YIPF6: variants seen among roughly 807,000 people sequenced by gnomAD.
YIPF6 encodes protein YIPF6.
In YIPF6, 3 loss-of-function variants were observed where a neutral mutation model predicts 16.8. The ratio of observed to expected loss-of-function variants is 0.18; its 90% CI spans 0.08 to 0.46. The LOEUF (loss-of-function observed/expected upper bound fraction) is 0.46. Among genes scored for constraint, YIPF6 ranks in the 20% least tolerant of loss-of-function variants. YIPF6 has a pLI of 0.98. For missense variants in YIPF6, 145 were observed against 184.9 expected (o/e 0.78, Z 1.25); for synonymous variants, 67 against 61.9 (o/e 1.08, Z -0.38).
At chrX:68,518,095 A>G (rs2079111054) in intron 3 of YIPF6, among the ~76,000 whole-genome samples, 2 of 110,492 alleles carry the variant, frequency 1.8e-5, no homozygotes, top group Admixed American at 9.7e-5. Context: ...AACATGGTGA[A>G]ACCCCGTCTC....
At chrX:68,516,211 A>G (rs2079101969) in intron 3 of YIPF6, among the ~76,000 whole-genome samples, 1 of 112,270 alleles carries the variant, frequency 8.9e-6, no homozygotes, top group Non-Finnish European at 1.9e-5. Context: ...AAGTAGAAGT[A>G]TACTCCAACA....
At chrX:68,522,141 G>A (rs1238129417) in intron 5 of YIPF6, among the ~76,000 whole-genome samples, 1 of 110,077 alleles carries the variant, frequency 9.1e-6, no homozygotes, top group Non-Finnish European at 1.9e-5. Flanking sequence ...AAGTATAATA[G>A]GTCTATAAAC....
chrX:68,534,418 C>G lies in YIPF6; in HGVS notation c.*2419C>G, dbSNP rs1014630680. 1 of 111,661 alleles carries G rather than the reference C, an allele frequency of 9.0e-6. No individual in the cohort carries two copies. The highest frequency in any genetic ancestry group is 1.9e-5 in the Non-Finnish European group (1 of 53,100). 9.2% of individuals were successfully genotyped at this position (111,661 alleles called of 1,213,427 possible). A position where few individuals can be genotyped will look rare whatever the true frequency, so the allele number is the denominator to read the frequency against. On this transcript the variant is annotated 3_prime_UTR_variant, in exon 7 of 7. Coordinates refer to ENST00000462683, the MANE Select transcript of YIPF6 (RefSeq NM_173834.4). ...CTCGAACAGTTGTTGGCCGAAGATT[C>G]ATTTGATGAATCCAATTTTTTTGAA...
chrX:68,506,424 G>A (rs1045309065), intron 1 of YIPF6, among the ~76,000 whole-genome samples: 1 of 110,616 alleles, frequency 9.0e-6, no homozygotes, highest in Non-Finnish European at 1.9e-5. Flanking sequence ...TTCTGGCTGG[G>A]CACGGTGGCT....
intron 3 of YIPF6, among the ~76,000 whole-genome samples, chrX:68,517,589 G>A (rs1027935489): frequency 1.7e-4 from 19 of 112,235 alleles, no homozygotes; most frequent in African/African-American, 5.8e-4. Flanking sequence ...TTTTCACCTA[G>A]AAGAATAGCA....
At chrX:68,531,842 T>C (rs1441200497) in intron 6 of YIPF6, 39 bp from the exon 7 acceptor site, 1 of 919,630 alleles carries the variant, frequency 1.1e-6, no homozygotes, top group South Asian at 2.2e-5. Flanking sequence ...AATATTACTG[T>C]ATTAAACATT....
rs200293629 is a variant in YIPF6, at chrX:68,531,112, TTTTGTTTG to T, written c.593-749_593-742del. Among the ~76,000 whole-genome samples, 22 of 108,446 alleles carry T rather than the reference TTTTGTTTG, an allele frequency of 2.0e-4. 1 individual carries two copies. Among genetic ancestry groups the T allele is most frequent in the Middle Eastern group, 4.8e-3 (1 of 210 alleles). 94.2% of individuals were successfully genotyped at this position (108,446 alleles called of 115,157 possible). On this transcript the variant is annotated intron_variant, in intron 6 of 6. Coordinates refer to ENST00000462683, the MANE Select transcript of YIPF6 (RefSeq NM_173834.4). The stretch of plus-strand genomic sequence containing the variant: ...GCACCCAGCGAGAGGAATGATTCTT[TTTTGTTTG>T]TTTGTTTGTTTGTTTGTTTTTTGAG...
intron 1 of YIPF6, chrX:68,510,598 T>A (rs1204546491): frequency 2.6e-5 from 2 of 75,724 alleles, no homozygotes; most frequent in Non-Finnish European, 4.5e-5. Flanking sequence ...TTATTTATTT[T>A]ATTTATTTAT....
chrX:68,519,796 A>G (rs1032330306), intron 4 of YIPF6, among the ~76,000 whole-genome samples: 14 of 112,125 alleles, frequency 1.2e-4, no homozygotes, highest in Non-Finnish European at 2.1e-4. Context: ...ATATTAATTT[A>G]GGTAATAATG....
chrX:68,521,288 G>A, intron 4 of YIPF6, 84 bp from the exon 5 acceptor site: 1 of 1,096,502 alleles, frequency 9.1e-7, no homozygotes, highest in South Asian at 2.2e-5. Context: ...ACAGCAATCT[G>A]ATTCAAAGTT....
intron 1 of YIPF6, chrX:68,510,728 G>T (rs2079077906): frequency 9.0e-6 from 1 of 111,089 alleles, no homozygotes; most frequent in South Asian, 3.7e-4. Flanking sequence ...TCACCTCCCG[G>T]GTTCAAGCGA....
At chrX:68,525,761 T>G (rs1343789560) in intron 6 of YIPF6, among the ~76,000 whole-genome samples, 1 of 111,966 alleles carries the variant, frequency 8.9e-6, no homozygotes, top group Non-Finnish European at 1.9e-5. Context: ...CCATTGCTGG[T>G]TTTTATCAGG....
chrX:68,521,762 A>AG (rs1184721211), intron 5 of YIPF6, among the ~76,000 whole-genome samples: 1 of 107,021 alleles, frequency 9.3e-6, no homozygotes, highest in African/African-American at 3.6e-5. Context: ...TAATTAAAAA[A>AG]ATTTTTTTTT....
chrX:68,499,203 C>T, intron 1 of YIPF6, 80 bp downstream of exon 1: 1 of 1,098,165 alleles, frequency 9.1e-7, no homozygotes, highest in Non-Finnish European at 1.2e-6. Context: ...GGGCTCGTGG[C>T]CTGAGAGCCG....
At chrX:68,500,812 G>C (rs933997208) in intron 1 of YIPF6, among the ~76,000 whole-genome samples, 1 of 111,839 alleles carries the variant, frequency 8.9e-6, no homozygotes, top group African/African-American at 3.3e-5. Flanking sequence ...ATAAGAGTGA[G>C]TTGTGTTAAG....
intron 1 of YIPF6, among the ~76,000 whole-genome samples, chrX:68,504,400 C>T (rs1350779399): frequency 9.0e-6 from 1 of 111,323 alleles, no homozygotes; most frequent in Non-Finnish European, 1.9e-5. Flanking sequence ...CTTAAAGCCC[C>T]AAACCTCTAG....
intron 1 of YIPF6, among the ~76,000 whole-genome samples, chrX:68,507,461 G>C (rs932369556): frequency 1.9e-4 from 21 of 111,318 alleles, no homozygotes; most frequent in Non-Finnish European, 3.6e-4. Context: ...AGTTATTGCT[G>C]GGTTTAGAAT....
At chrX:68,501,885 C>A (rs1335488944) in intron 1 of YIPF6, among the ~76,000 whole-genome samples, 1 of 111,466 alleles carries the variant, frequency 9.0e-6, no homozygotes, top group African/African-American at 3.3e-5. Context: ...AGCACTGTCA[C>A]TTAACTAGTG....
chrX:68,528,860 T>C (rs958598120), intron 6 of YIPF6, among the ~76,000 whole-genome samples: 2 of 112,140 alleles, frequency 1.8e-5, no homozygotes, highest in African/African-American at 3.2e-5. Context: ...GTTAGTCTGA[T>C]GGGCTTCCCT....
Sources: gnomAD v4.1 joint callset for allele counts (sites outside exome capture counted in the v4.1 genomes callset) on GRCh38, gnomAD v4.1.1 for gene constraint, MANE v1.5 for transcripts, NCBI Gene and HGNC (gene_info 2026-07-23, HGNC 2026-07-21) for gene names.